Variants in MIPEP observed in about 807,000 individuals in gnomAD.
MIPEP encodes the protein mitochondrial intermediate peptidase.
MIPEP carries 79 observed loss-of-function variants against 90.3 expected under a neutral mutation model. The observed-to-expected ratio is 0.87, with a 90% CI of 0.73 to 1.05. MIPEP has a LOEUF of 1.05. MIPEP is among the 50% of genes least tolerant of loss of function. MIPEP has a pLI of 0.00. For missense variants in MIPEP, 940 were observed against 905.6 expected (o/e 1.04, Z -0.49); for synonymous variants, 334 against 315.8 (o/e 1.06, Z -0.61).
At chr13:23,813,343 T>C (rs964495950) in intron 14 of MIPEP, among the ~76,000 whole-genome samples, 2 of 152,200 alleles carry the variant, frequency 1.3e-5, no homozygotes, top group African/African-American at 4.8e-5. Context: ...CGGGACCTCC[T>C]AAGGATACCA....
At chr13:23,848,150 C>G (rs746296566) in intron 10 of MIPEP, among the ~76,000 whole-genome samples, 1 of 152,158 alleles carries the variant, frequency 6.6e-6, no homozygotes, top group Non-Finnish European at 1.5e-5. Flanking sequence ...AGTAGAAATA[C>G]TTTCCAGGCT....
intron 5 of MIPEP, among the ~76,000 whole-genome samples, chr13:23,872,126 T>C (rs896204227): frequency 2.0e-5 from 3 of 152,240 alleles, no homozygotes; most frequent in African/African-American, 4.8e-5. Flanking sequence ...AAAATAAACA[T>C]TTCTATTACA....
chr13:23,797,293 G>T (rs1952973105), intron 16 of MIPEP, among the ~76,000 whole-genome samples: 1 of 152,168 alleles, frequency 6.6e-6, no homozygotes, highest in East Asian at 1.9e-4. Context: ...CAAATCTACA[G>T]AGCTCCCACC....
At chr13:23,818,246 GTATC>G (rs1264501979) in intron 14 of MIPEP, among the ~76,000 whole-genome samples, 3 of 141,046 alleles carry the variant, frequency 2.1e-5, no homozygotes, top group African/African-American at 8.4e-5. Context: ...GTGAAACCCT[GTATC>G]TACTTAAAAA....
chr13:23,750,208 C>T (rs902618633), intron 18 of MIPEP, among the ~76,000 whole-genome samples: 1 of 152,192 alleles, frequency 6.6e-6, no homozygotes, highest in African/African-American at 2.4e-5. Flanking sequence ...CATCATGTGG[C>T]ACATCTGTCA....
At chr13:23,765,149 C>A (rs1952580527) in intron 16 of MIPEP, among the ~76,000 whole-genome samples, 1 of 152,138 alleles carries the variant, frequency 6.6e-6, no homozygotes, top group Non-Finnish European at 1.5e-5. Flanking sequence ...TCCACATGGC[C>A]AATCACAGGA....
chr13:23,810,328 GA>G (rs1274824596), intron 14 of MIPEP, among the ~76,000 whole-genome samples: 2 of 152,198 alleles, frequency 1.3e-5, no homozygotes, highest in African/African-American at 4.8e-5. Context: ...AAAATGTCAA[GA>G]AATAAATGGT....
chr13:23,830,401 A>G (rs1353125913), intron 14 of MIPEP, among the ~76,000 whole-genome samples: 1 of 152,220 alleles, frequency 6.6e-6, no homozygotes, highest in African/African-American at 2.4e-5. Context: ...CCAAAAAATG[A>G]TAAGAATTGA....
intron 14 of MIPEP, among the ~76,000 whole-genome samples, chr13:23,835,409 G>T (rs754949046): frequency 1.3e-4 from 20 of 152,026 alleles, no homozygotes; most frequent in Admixed American, 9.2e-4. Context: ...ATGAGAAGAA[G>T]AGTCACAAAT....
chr13:23,820,371 AACCCATTTAATGCTAC>A (rs920860995), intron 14 of MIPEP, among the ~76,000 whole-genome samples: 4 of 152,212 alleles, frequency 2.6e-5, no homozygotes, highest in Non-Finnish European at 5.9e-5. Flanking sequence ...CCTTTATAGA[AACCCATTTAATGCTAC>A]ACCCATTTTC....
At chr13:23,749,340 C>T (rs1462168550) in intron 18 of MIPEP, among the ~76,000 whole-genome samples, 1 of 152,018 alleles carries the variant, frequency 6.6e-6, no homozygotes, top group Non-Finnish European at 1.5e-5. Flanking sequence ...GTTTTGCCTA[C>T]TAGGTTAGTA....
chr13:23,840,458 T>C (rs961023686), intron 11 of MIPEP, among the ~76,000 whole-genome samples: 2 of 152,218 alleles, frequency 1.3e-5, no homozygotes, highest in African/African-American at 2.4e-5. Flanking sequence ...GGGGAAACCC[T>C]TCATCACCCG....
chr13:23,784,468 A>C (rs535565326), intron 16 of MIPEP, among the ~76,000 whole-genome samples: 1 of 152,252 alleles, frequency 6.6e-6, no homozygotes, highest in Admixed American at 6.5e-5. Context: ...CCTTCCTTAC[A>C]CCTTATACAA....
intron 16 of MIPEP, among the ~76,000 whole-genome samples, chr13:23,797,238 G>A (rs1217256446): frequency 6.6e-6 from 1 of 151,966 alleles, no homozygotes; most frequent in Non-Finnish European, 1.5e-5. Context: ...CCTGTTCCCT[G>A]CTGCCCCTTC....
intron 16 of MIPEP, among the ~76,000 whole-genome samples, chr13:23,802,759 T>C (rs1953059277): frequency 6.6e-6 from 1 of 152,154 alleles, no homozygotes; most frequent in African/African-American, 2.4e-5. Context: ...ATAGAAACTG[T>C]ACTTTGGGTG....
chr13:23,786,522 T>C (rs150341585), intron 16 of MIPEP, among the ~76,000 whole-genome samples: 4 of 151,626 alleles, frequency 2.6e-5, no homozygotes, highest in African/African-American at 9.7e-5. Context: ...ATAGGGGAAA[T>C]ACGTATATCA....
chr13:23,735,265 T>G (rs1002491584), intron 18 of MIPEP, among the ~76,000 whole-genome samples: 3 of 152,166 alleles, frequency 2.0e-5, no homozygotes, highest in Admixed American at 2.0e-4. Context: ...TCTCTTGGCT[T>G]TGGAGCCCCC....
intron 18 of MIPEP, among the ~76,000 whole-genome samples, chr13:23,743,729 G>A (rs1476567387): frequency 6.6e-6 from 1 of 152,126 alleles, no homozygotes; most frequent in East Asian, 1.9e-4. Context: ...ACATTTCTGG[G>A]TTACAAAACA....
At chr13:23,888,337 T>G (rs1388980750) in intron 1 of MIPEP, among the ~76,000 whole-genome samples, 1 of 152,168 alleles carries the variant, frequency 6.6e-6, no homozygotes, top group Non-Finnish European at 1.5e-5. Flanking sequence ...TTTAGCTCAG[T>G]GCAACAATAC....
Sources: allele counts gnomAD v4.1 joint callset (sites outside exome capture counted in the v4.1 genomes callset), GRCh38; gene constraint gnomAD v4.1.1; transcripts MANE v1.5; gene names NCBI Gene and HGNC (gene_info 2026-07-23, HGNC 2026-07-21).